The following ADORA2B variants were observed in gnomAD, a reference collection of about 807,000 sequenced individuals.
ADORA2B encodes adenosine receptor A2b.
In ADORA2B, 18 loss-of-function variants were observed where a neutral mutation model predicts 20.8. The ratio of observed to expected loss-of-function variants is 0.87; its 90% CI spans 0.60 to 1.29. The LOEUF (loss-of-function observed/expected upper bound fraction) is 1.29. Ranked by LOEUF, ADORA2B falls within the 50% of genes most tolerant of loss-of-function variation. The pLI is 0.00. For missense variants in ADORA2B, 441 were observed against 422.7 expected, an observed-to-expected ratio of 1.04 and a Z score of -0.38; for synonymous variants, 179 against 178.3, an observed-to-expected ratio of 1.00 and a Z score of -0.03.
chr17:15,959,814 G>T (rs1034824670), intron 1 of ADORA2B, among the ~76,000 whole-genome samples: 1 of 152,110 alleles, frequency 6.6e-6, no homozygotes, highest in African/African-American at 2.4e-5. Context: ...TTTAGAAATT[G>T]TAATAGGTGC....
chr17:15,908,067 G>A, the ADORA2B span, among the ~76,000 whole-genome samples: 19 of 152,196 alleles, frequency 1.2e-4, no homozygotes, highest in African/African-American at 3.4e-4. Context: ...CATCTTAATC[G>A]TTAAATTATG....
chr17:15,853,865 A>G, the ADORA2B span, among the ~76,000 whole-genome samples: 13 of 152,020 alleles, frequency 8.6e-5, no homozygotes, highest in Admixed American at 8.5e-4. Flanking sequence ...AGACAGGAAA[A>G]TTAAAAGGTC....
intron 1 of ADORA2B, among the ~76,000 whole-genome samples, chr17:15,965,000 C>T (rs1249503905): frequency 2.0e-5 from 3 of 152,180 alleles, no homozygotes; most frequent in African/African-American, 7.2e-5. Context: ...GCGGAGCTTG[C>T]AGTGAGCCGA....
chr17:15,973,588 G>T (rs922352344), intron 1 of ADORA2B, among the ~76,000 whole-genome samples: 1 of 152,184 alleles, frequency 6.6e-6, no homozygotes, highest in African/African-American at 2.4e-5. Context: ...AGCAGCATTC[G>T]ATTCTCATAG....
chr17:15,948,019 TAA>T, intron 1 of ADORA2B, among the ~76,000 whole-genome samples: 1 of 151,562 alleles, frequency 6.6e-6, no homozygotes, highest in Admixed American at 6.6e-5. Context: ...CAGGTGAGAG[TAA>T]AGTTGGAAGT....
the ADORA2B span, among the ~76,000 whole-genome samples, chr17:15,923,621 T>C: frequency 6.6e-6 from 1 of 151,876 alleles, no homozygotes; most frequent in Non-Finnish European, 1.5e-5. Context: ...TTAGCCAGGA[T>C]GGTCTCAATC....
chr17:15,970,672 G>T (rs138973151), intron 1 of ADORA2B, among the ~76,000 whole-genome samples: 1 of 152,176 alleles, frequency 6.6e-6, no homozygotes, highest in African/African-American at 2.4e-5. Context: ...CTGTGTTAAC[G>T]GAGTACCTCA....
chr17:15,949,027 G>A (rs1279533570), intron 1 of ADORA2B, among the ~76,000 whole-genome samples: 1 of 151,872 alleles, frequency 6.6e-6, no homozygotes, highest in Non-Finnish European at 1.5e-5. Flanking sequence ...GGCCAACATG[G>A]TGAAACCCTG....
At chr17:15,929,623 A>ATC in the ADORA2B span, among the ~76,000 whole-genome samples, 4 of 152,248 alleles carry the variant, frequency 2.6e-5, no homozygotes, top group African/African-American at 7.2e-5. Flanking sequence ...CCAAGCATCC[A>ATC]TCTACAGATA....
intron 1 of ADORA2B, among the ~76,000 whole-genome samples, chr17:15,966,739 T>C (rs760222381): frequency 5.3e-5 from 8 of 152,260 alleles, no homozygotes; most frequent in Non-Finnish European, 1.0e-4. Context: ...GTGTGGACTT[T>C]CCCAGAACTC....
chr17:15,933,225 G>A, the ADORA2B span, among the ~76,000 whole-genome samples: 1 of 152,282 alleles, frequency 6.6e-6, no homozygotes. Flanking sequence ...AAAGTGTTGG[G>A]ATTACAGGCG....
chr17:15,889,271 T>C, the ADORA2B span, among the ~76,000 whole-genome samples: 1 of 129,778 alleles, frequency 7.7e-6, no homozygotes, highest in Non-Finnish European at 1.6e-5. Flanking sequence ...CACATTAAGA[T>C]GAAGAATCAA....
At chr17:15,923,812 A>G in the ADORA2B span, among the ~76,000 whole-genome samples, 6 of 152,006 alleles carry the variant, frequency 3.9e-5, no homozygotes, top group African/African-American at 1.4e-4. Flanking sequence ...TTCCCCAGTG[A>G]TTGTCTTTGT....
the ADORA2B span, among the ~76,000 whole-genome samples, chr17:15,866,821 C>T: frequency 3.9e-5 from 6 of 151,972 alleles, no homozygotes; most frequent in South Asian, 8.3e-4. Flanking sequence ...TCCACAGTCT[C>T]CCTCTGATGC....
At chr17:15,908,143 A>G in the ADORA2B span, among the ~76,000 whole-genome samples, 1 of 152,078 alleles carries the variant, frequency 6.6e-6, no homozygotes. Flanking sequence ...GCTAGTGTGC[A>G]GTAACAGAAT....
chr17:15,960,157 A>G (rs966600158), intron 1 of ADORA2B, among the ~76,000 whole-genome samples: 42 of 152,150 alleles, frequency 2.8e-4, no homozygotes, highest in African/African-American at 1.0e-3. Flanking sequence ...AGTCCTAGCT[A>G]TTCAGGAGGC....
At chr17:15,856,314 T>C in the ADORA2B span, among the ~76,000 whole-genome samples, 1 of 151,932 alleles carries the variant, frequency 6.6e-6, no homozygotes, top group Non-Finnish European at 1.5e-5. Flanking sequence ...TATTTCCCTT[T>C]CTACCATGAT....
chr17:15,897,382 A>C, the ADORA2B span, among the ~76,000 whole-genome samples: 151 of 152,300 alleles, frequency 9.9e-4, 1 homozygote, highest in African/African-American at 3.5e-3. Context: ...AGTCTGGGCA[A>C]CATAGCAAGA....
the ADORA2B span, among the ~76,000 whole-genome samples, chr17:15,855,324 G>A: frequency 1.3e-5 from 2 of 150,690 alleles, no homozygotes; most frequent in Non-Finnish European, 3.0e-5. Context: ...GAAGCACAGA[G>A]GATGAAGTAA....
Sources: gnomAD v4.1 joint callset for allele counts (sites outside exome capture counted in the v4.1 genomes callset) on GRCh38, gnomAD v4.1.1 for gene constraint, MANE v1.5 for transcripts, NCBI Gene and HGNC (gene_info 2026-07-23, HGNC 2026-07-21) for gene names.